The following NUP88 variants were observed in gnomAD, a reference collection of about 807,000 sequenced individuals.
NUP88 encodes nucleoporin 88, also known as nuclear pore complex protein Nup88.
Under a neutral mutation model 93.9 loss-of-function variants are expected in NUP88, and 57 were observed. The ratio of observed to expected loss-of-function variants is 0.61; its 90% confidence interval spans 0.49 to 0.76. The LOEUF is 0.76. NUP88 is among the 30% of genes least tolerant of loss of function. NUP88 has a pLI of 0.00. For missense variants in NUP88, 911 were observed against 901.0 expected (o/e 1.01, Z -0.14); for synonymous variants, 346 against 336.8 (o/e 1.03, Z -0.30).
intron 8 of NUP88, among the ~76,000 whole-genome samples, chr17:5,396,072 G>A (rs544164411): frequency 2.0e-5 from 3 of 152,068 alleles, no homozygotes; most frequent in African/African-American, 4.8e-5. Context: ...TTAGCTGGAC[G>A]TGGTGGTGGG....
intron 3 of NUP88, among the ~76,000 whole-genome samples, 190 bp downstream of exon 3, chr17:5,413,818 AG>A (rs1913980694): frequency 6.6e-6 from 1 of 152,238 alleles, no homozygotes; most frequent in Admixed American, 6.5e-5. Flanking sequence ...CAGGAAGACT[AG>A]TTGAGAAGGA....
intron 7 of NUP88, among the ~76,000 whole-genome samples, chr17:5,402,009 T>C (rs1913198729): frequency 6.6e-6 from 1 of 152,194 alleles, no homozygotes; most frequent in African/African-American, 2.4e-5. Context: ...ATGAAAATGT[T>C]ACTCTCATTA....
intron 16 of NUP88, among the ~76,000 whole-genome samples, chr17:5,386,477 CT>C (rs1911986187): frequency 6.6e-6 from 1 of 152,188 alleles, no homozygotes; most frequent in Admixed American, 6.5e-5. Context: ...AACATAATTA[CT>C]GTAAAATACC....
At chr17:5,400,191 C>A (rs776264318) in intron 7 of NUP88, among the ~76,000 whole-genome samples, 15 of 140,344 alleles carry the variant, frequency 1.1e-4, no homozygotes, top group Non-Finnish European at 1.4e-4. Flanking sequence ...AGGAGGTATG[C>A]CTATGTTTTA....
chr17:5,416,347 A>G (rs921033581), intron 2 of NUP88, among the ~76,000 whole-genome samples, 166 bp downstream of exon 2: 6 of 151,912 alleles, frequency 3.9e-5, no homozygotes, highest in African/African-American at 1.2e-4. Flanking sequence ...AGTACAATCA[A>G]TTACACATAT....
intron 7 of NUP88, among the ~76,000 whole-genome samples, chr17:5,400,877 GCT>G (rs1913119319): frequency 1.3e-5 from 2 of 152,088 alleles, no homozygotes; most frequent in African/African-American, 4.8e-5. Flanking sequence ...AGTTTTGGAT[GCT>G]CTTTTTGTTT....
intron 5 of NUP88, among the ~76,000 whole-genome samples, chr17:5,406,698 T>C (rs1404687279): frequency 6.6e-6 from 1 of 152,002 alleles, no homozygotes; most frequent in African/African-American, 2.4e-5. Flanking sequence ...TTGGCTTCCC[T>C]GGGCCACACT....
At chr17:5,400,153 A>T (rs186328102) in intron 7 of NUP88, among the ~76,000 whole-genome samples, 4 of 150,976 alleles carry the variant, frequency 2.6e-5, no homozygotes, top group African/African-American at 2.4e-5. Flanking sequence ...AAAAAAAAAA[A>T]AAAAGCACTG....
At chr17:5,387,187 C>A in intron 14 of NUP88, 77 bp from the exon 15 acceptor site, 2 of 1,521,790 alleles carry the variant, frequency 1.3e-6, no homozygotes, top group South Asian at 1.2e-5. Flanking sequence ...GCTCATAATT[C>A]ATGAATCTGG....
intron 9 of NUP88, among the ~76,000 whole-genome samples, chr17:5,393,435 C>CTTT (rs35265554): frequency 5.8e-5 from 7 of 121,694 alleles, no homozygotes; most frequent in South Asian, 2.7e-4. Context: ...GTTCACTTTT[C>CTTT]TTTTTTTTTT....
chr17:5,387,183 A>T, intron 14 of NUP88, 73 bp from the exon 15 acceptor site: 1 of 1,537,070 alleles, frequency 6.5e-7, no homozygotes. Flanking sequence ...ACAAGCTCAT[A>T]ATTCATGAAT....
rs1180169215 is a variant in NUP88, at chr17:5,399,620, G to A, written c.1223C>T (p.Thr408Ile). The change falls in exon 8 of 17, where the codon ACT becomes ATT. Residue 408 changes from threonine to isoleucine, a missense_variant. Transcript: ENST00000573584. ...AACACTATGTACACCAGCTTCATGAGTACAGTGATATCTTGAAGGACACTT... is the reference window on the plus strand; with the variant it reads ...AACACTATGTACACCAGCTTCATGAATACAGTGATATCTTGAAGGACACTT... ...DPKCPSRYHC[T>I]HEAGVHSVGL... 3.1e-6 allele frequency: 5 copies of A among 1,605,594 alleles called. No homozygotes were observed. Among genetic ancestry groups the A allele is most frequent in the Non-Finnish European group, 4.3e-6 (5 of 1,173,722 alleles).
chr17:5,419,196 T>C (rs1376058400), intron 1 of NUP88, among the ~76,000 whole-genome samples, 158 bp downstream of exon 1: 1 of 152,224 alleles, frequency 6.6e-6, no homozygotes, highest in Non-Finnish European at 1.5e-5. Flanking sequence ...GCCGTAAGCA[T>C]CGAGAGAGCC....
At chr17:5,403,663 A>G (rs1913305548) in intron 7 of NUP88, among the ~76,000 whole-genome samples, 1 of 151,850 alleles carries the variant, frequency 6.6e-6, no homozygotes. Flanking sequence ...CCATCTCAAC[A>G]ACAACAACAA....
At chr17:5,389,106 T>C in intron 10 of NUP88, 146 bp from the exon 11 acceptor site, 1 of 600,802 alleles carries the variant, frequency 1.7e-6, no homozygotes, top group Admixed American at 3.6e-5. Flanking sequence ...TTTTCCACCT[T>C]GAAAAGGTCA....
intron 1 of NUP88, among the ~76,000 whole-genome samples, chr17:5,417,540 C>A (rs944787506): frequency 2.6e-5 from 4 of 152,158 alleles, no homozygotes; most frequent in Admixed American, 6.5e-5. Context: ...AGCTTACAGT[C>A]TAGAAAAGAA....
Position 5,385,156 on chromosome 17 carries a change from A to G in NUP88, c.*1050T>C, listed in dbSNP as rs1258412822. 2 of 229,538 alleles carry G rather than the reference A, an allele frequency of 8.7e-6. No homozygotes were observed. The highest frequency in any genetic ancestry group is 1.7e-5 in the Non-Finnish European group (2 of 115,864). 14.2% of individuals were successfully genotyped at this position (229,538 alleles called of 1,614,324 possible). ...TTGGAATTCACTTTATTGTAGAAAAACCCAAACTGAGACTCTTAAGTTTTG... is the reference window on the plus strand; with the variant it reads ...TTGGAATTCACTTTATTGTAGAAAAGCCCAAACTGAGACTCTTAAGTTTTG... On this transcript the variant is annotated 3_prime_UTR_variant, in exon 17 of 17. Transcript: ENST00000573584.
intron 8 of NUP88, among the ~76,000 whole-genome samples, chr17:5,399,234 A>T (rs1912995284): frequency 1.8e-5 from 2 of 113,712 alleles, no homozygotes; most frequent in African/African-American, 3.3e-5. Context: ...CCAGACCCTG[A>T]TTGAGTCAGT....
rs1479467318 is a variant in NUP88 at position 5,398,870 on chromosome 17, C to CA, written c.1291+681dup. Among the ~76,000 whole-genome samples the CA allele has an allele frequency of 1.6e-4, 23 of 147,952 alleles. No homozygotes were observed. In the Admixed American group the frequency reaches 1.6e-3, roughly 10 times the overall value. On this transcript the variant is annotated intron_variant, in intron 8 of 16. Transcript: ENST00000573584. ...CCTCCCAAAGTGCTGGGATTAAAGG[C>CA]ATGAGCCACTGCACCCAGCCTTTTT... is the stretch of plus-strand genomic sequence containing the variant.
Sources: gnomAD v4.1 joint callset for allele counts (sites outside exome capture counted in the v4.1 genomes callset) on GRCh38, gnomAD v4.1.1 for gene constraint, MANE v1.5 for transcripts, NCBI Gene and HGNC (gene_info 2026-07-23, HGNC 2026-07-21) for gene names.